Variants in ST6GALNAC5 observed in about 807,000 individuals in gnomAD.
ST6GALNAC5 encodes the protein ST6 N-acetylgalactosaminide alpha-2,6-sialyltransferase 5, also known as alpha-N-acetylgalactosaminide alpha-2,6-sialyltransferase 5.
Under a neutral mutation model 33.6 loss-of-function variants are expected in ST6GALNAC5, and 27 were observed. The observed-to-expected ratio is 0.80, with a 90% CI of 0.59 to 1.11. The LOEUF is 1.11. Among genes scored for constraint, ST6GALNAC5 ranks in the 50% least tolerant of loss-of-function variants. ST6GALNAC5 has a pLI of 0.00. For synonymous variants in ST6GALNAC5, 194 were observed against 171.2 expected, an observed-to-expected ratio of 1.13 and a Z score of -1.04; for missense variants, 428 against 454.0, an observed-to-expected ratio of 0.94 and a Z score of 0.52.
At chr1:76,892,003 A>G (rs527347775) in intron 2 of ST6GALNAC5, among the ~76,000 whole-genome samples, 1 of 152,342 alleles carries the variant, frequency 6.6e-6, no homozygotes, top group Admixed American at 6.5e-5. Flanking sequence ...GCAAAGAATA[A>G]TGATCTGCTA....
intron 2 of ST6GALNAC5, among the ~76,000 whole-genome samples, chr1:76,970,006 A>G (rs1221704212): frequency 1.3e-5 from 2 of 152,028 alleles, no homozygotes; most frequent in East Asian, 3.9e-4. Flanking sequence ...ACATCAACAA[A>G]AAGGACAAAA....
At chr1:77,002,021 G>C (rs376766908) in intron 2 of ST6GALNAC5, among the ~76,000 whole-genome samples, 1 of 151,992 alleles carries the variant, frequency 6.6e-6, no homozygotes, top group African/African-American at 2.4e-5. Flanking sequence ...AGTTAGGAAG[G>C]ATTCCCTCTT....
intron 2 of ST6GALNAC5, among the ~76,000 whole-genome samples, chr1:76,925,058 A>AGG (rs1411337407): frequency 6.6e-6 from 1 of 152,060 alleles, no homozygotes; most frequent in African/African-American, 2.4e-5. Context: ...TGGAAGGTGA[A>AGG]GGGGGAGCCA....
At chr1:76,933,268 AT>A (rs1647162947) in intron 2 of ST6GALNAC5, among the ~76,000 whole-genome samples, 1 of 152,042 alleles carries the variant, frequency 6.6e-6, no homozygotes, top group Non-Finnish European at 1.5e-5. Context: ...ATCTTCTGAA[AT>A]TATTACAGCA....
At chr1:76,943,808 G>A (rs559964648) in intron 2 of ST6GALNAC5, among the ~76,000 whole-genome samples, 1 of 151,798 alleles carries the variant, frequency 6.6e-6, no homozygotes, top group Admixed American at 6.6e-5. Context: ...ATTCAGTATT[G>A]TGTCAAGTTC....
chr1:77,059,041 TTATGA>T (rs1215013534), intron 4 of ST6GALNAC5, among the ~76,000 whole-genome samples: 2 of 152,252 alleles, frequency 1.3e-5, no homozygotes, highest in African/African-American at 2.4e-5. Flanking sequence ...AGCTTTGTTG[TTATGA>T]TATGTATTAT....
intron 2 of ST6GALNAC5, among the ~76,000 whole-genome samples, chr1:77,038,689 A>G (rs1268247164): frequency 1.3e-5 from 2 of 152,230 alleles, no homozygotes; most frequent in Non-Finnish European, 2.9e-5. Flanking sequence ...GCCAGGTCAC[A>G]GGGAGAATTC....
intron 2 of ST6GALNAC5, among the ~76,000 whole-genome samples, chr1:77,025,066 G>A (rs1484198475): frequency 2.6e-5 from 4 of 152,148 alleles, no homozygotes; most frequent in Non-Finnish European, 5.9e-5. Flanking sequence ...AAGAGGTACT[G>A]GAAAGCCTGA....
At chr1:76,921,458 A>C (rs1212419330) in intron 2 of ST6GALNAC5, among the ~76,000 whole-genome samples, 1 of 152,208 alleles carries the variant, frequency 6.6e-6, no homozygotes, top group Non-Finnish European at 1.5e-5. Flanking sequence ...ACCTCTAGTA[A>C]GACTCACAAA....
At position 76,974,650 on chromosome 1, in the gene ST6GALNAC5, T is replaced by C. The variant is rs184156981; in HGVS notation, c.262-69554T>C. ...GGTGTGAAGGTTATTGAATTCTGTA[T>C]GTTAGTTTATAACCTGATACATTTC... On this transcript the variant is annotated intron_variant, in intron 2 of 4. Coordinates refer to ENST00000477717, the MANE Select transcript of ST6GALNAC5 (RefSeq NM_030965.3). 5.9e-5 allele frequency among the ~76,000 whole-genome samples: 9 copies of C among 151,924 alleles called. No homozygotes were observed. The East Asian group carries it at 1.7e-3, about 29-fold the overall frequency.
intron 2 of ST6GALNAC5, among the ~76,000 whole-genome samples, chr1:76,893,613 T>A (rs1016505724): frequency 1.3e-5 from 2 of 152,172 alleles, no homozygotes; most frequent in Non-Finnish European, 2.9e-5. Context: ...TCAGGAAATA[T>A]TAGCCATCAA....
chr1:76,981,356 G>T lies in ST6GALNAC5; in HGVS notation c.262-62848G>T, dbSNP rs184176475. ...ATTCTCTCCTGTGCCTGGCTCGATG[G>T]GTCCCACACCCATAGAGCCTTGCTC... is the stretch of plus-strand genomic sequence containing the variant. On this transcript the variant is annotated intron_variant, in intron 2 of 4. Transcript: ENST00000477717. Among the ~76,000 whole-genome samples the T allele has an allele frequency of 1.1e-3, 172 of 152,298 alleles. 1 individual carries two copies. Among genetic ancestry groups the T allele is most frequent in the African/African-American group, 4.1e-3 (171 of 41,574 alleles).
chr1:76,970,020 G>C (rs1648678715), intron 2 of ST6GALNAC5, among the ~76,000 whole-genome samples: 1 of 152,014 alleles, frequency 6.6e-6, no homozygotes, highest in African/African-American at 2.4e-5. Flanking sequence ...GACAAAAAAG[G>C]ACATCCACAC....
At chr1:77,007,355 T>C (rs1650463859) in intron 2 of ST6GALNAC5, among the ~76,000 whole-genome samples, 1 of 152,284 alleles carries the variant, frequency 6.6e-6, no homozygotes, top group South Asian at 2.1e-4. Flanking sequence ...CATTTGAGGG[T>C]TCATTCATTA....
intron 2 of ST6GALNAC5, among the ~76,000 whole-genome samples, chr1:77,036,764 A>C (rs1651659574): frequency 6.6e-6 from 1 of 152,270 alleles, no homozygotes. Context: ...TGTGCTGGGC[A>C]CTGTCCTTGG....
intron 2 of ST6GALNAC5, among the ~76,000 whole-genome samples, chr1:77,006,304 G>A (rs893327335): frequency 6.7e-6 from 1 of 149,318 alleles, no homozygotes; most frequent in Non-Finnish European, 1.5e-5. Context: ...ACAGGTGCAT[G>A]CCACTACACC....
chr1:77,047,066 A>C (rs1449522443), intron 3 of ST6GALNAC5, among the ~76,000 whole-genome samples: 1 of 152,176 alleles, frequency 6.6e-6, no homozygotes, highest in East Asian at 1.9e-4. Context: ...GGAGGGAGCC[A>C]AAGCTTTGTG....
At chr1:76,925,272 A>G (rs1647073569) in intron 2 of ST6GALNAC5, among the ~76,000 whole-genome samples, 1 of 152,016 alleles carries the variant, frequency 6.6e-6, no homozygotes, top group Admixed American at 6.6e-5. Flanking sequence ...TGGAGGTCAC[A>G]TTTCAACATG....
chr1:76,911,551 C>T (rs1447338149), intron 2 of ST6GALNAC5, among the ~76,000 whole-genome samples: 1 of 151,980 alleles, frequency 6.6e-6, no homozygotes, highest in Non-Finnish European at 1.5e-5. Flanking sequence ...TGGTAGAATT[C>T]GGCTGTGAAT....
Sources: allele counts gnomAD v4.1 joint callset (sites outside exome capture counted in the v4.1 genomes callset), GRCh38; gene constraint gnomAD v4.1.1; transcripts MANE v1.5; gene names NCBI Gene and HGNC (gene_info 2026-07-23, HGNC 2026-07-21).